Variants in GARNL3 observed in about 807,000 individuals in gnomAD.
GARNL3 encodes GTPase-activating Rap/Ran-GAP domain-like protein 3.
A neutral mutation model predicts 125.0 loss-of-function variants in GARNL3; 63 were observed. The ratio of observed to expected loss-of-function variants is 0.50; its 90% CI spans 0.41 to 0.62. GARNL3 has a LOEUF of 0.62. Ranked by LOEUF, GARNL3 falls within the 20% of genes least tolerant of loss-of-function variation. The pLI, the probability that GARNL3 is intolerant of heterozygous loss-of-function variation, is 0.00. For synonymous variants in GARNL3, 439 were observed against 457.5 expected (o/e 0.96, Z 0.52); for missense variants, 994 against 1,244.0 (o/e 0.80, Z 3.02).
In GARNL3 at chr9:127,350,592, G is replaced by A. The variant is rs553280050; in HGVS notation, c.1543+1557G>A. Among the ~76,000 whole-genome samples the A allele has an allele frequency of 5.0e-4, 76 of 151,930 alleles. 1 individual carries two copies. The highest frequency in any genetic ancestry group is 3.6e-3 in the South Asian group (17 of 4,770). On this transcript the variant is annotated intron_variant, in intron 17 of 27. Coordinates refer to ENST00000373387, the MANE Select transcript of GARNL3 (RefSeq NM_032293.5). ...GTTCGAGACCAGCTTGGCTAATATGGTGAAACCCTGTCTCTAACTAAAAAA... is the reference window on the plus strand; with the variant it reads ...GTTCGAGACCAGCTTGGCTAATATGATGAAACCCTGTCTCTAACTAAAAAA...
intron 21 of GARNL3, among the ~76,000 whole-genome samples, chr9:127,358,696 A>C (rs1346235463): frequency 2.0e-5 from 3 of 152,140 alleles, no homozygotes; most frequent in African/African-American, 7.2e-5. Context: ...TCTCTTATCT[A>C]TATTGGTGGT....
intron 21 of GARNL3, among the ~76,000 whole-genome samples, chr9:127,359,483 C>T (rs994852881): frequency 5.2e-5 from 7 of 135,784 alleles, no homozygotes; most frequent in Admixed American, 2.9e-4. Context: ...AGTGAGACTC[C>T]GTCTCCAAAA....
chr9:127,388,785 G>C (rs1295510465), intron 25 of GARNL3, 119 bp from the exon 26 acceptor site: 1 of 695,780 alleles, frequency 1.4e-6, no homozygotes, highest in East Asian at 2.7e-5. Context: ...GGACATTACA[G>C]ATCAGTGTGT....
intron 17 of GARNL3, among the ~76,000 whole-genome samples, chr9:127,349,434 G>T (rs1245552489): frequency 6.6e-6 from 1 of 151,774 alleles, no homozygotes; most frequent in Non-Finnish European, 1.5e-5. Flanking sequence ...AAAGATTTCT[G>T]ATTCAAAAAG....
At chr9:127,361,961 A>G (rs533266396) in intron 21 of GARNL3, 2 of 150,960 alleles carry the variant, frequency 1.3e-5, no homozygotes, top group Non-Finnish European at 2.9e-5. Flanking sequence ...CAACCCTCCC[A>G]TAATTATAAT....
At chr9:127,289,373 C>CA (rs1472116477) in intron 1 of GARNL3, among the ~76,000 whole-genome samples, 2 of 152,200 alleles carry the variant, frequency 1.3e-5, no homozygotes, top group Non-Finnish European at 2.9e-5. Context: ...AAAGGATACA[C>CA]ATTAAGATTA....
chr9:127,228,235 C>T (rs2062946735), intron 1 of GARNL3, among the ~76,000 whole-genome samples: 1 of 152,188 alleles, frequency 6.6e-6, no homozygotes. Context: ...TTCACTCTTA[C>T]TAAAGATGCT....
At chr9:127,389,418 C>T (rs1342715311) in intron 26 of GARNL3, among the ~76,000 whole-genome samples, 3 of 152,066 alleles carry the variant, frequency 2.0e-5, no homozygotes, top group Non-Finnish European at 2.9e-5. Flanking sequence ...AATAAAAGTA[C>T]CAATCTATGT....
chr9:127,311,932 A>C (rs1189289412), intron 3 of GARNL3, among the ~76,000 whole-genome samples, 197 bp downstream of exon 3: 2 of 152,146 alleles, frequency 1.3e-5, no homozygotes, highest in Non-Finnish European at 2.9e-5. Context: ...TTTTGCTCAT[A>C]GTTTCCTTTT....
intron 7 of GARNL3, among the ~76,000 whole-genome samples, chr9:127,331,529 T>C (rs1279189432): frequency 1.3e-5 from 2 of 151,520 alleles, no homozygotes; most frequent in Non-Finnish European, 2.9e-5. Flanking sequence ...CTACCCAATT[T>C]AAGGAAGAAA....
chr9:127,277,074 C>G (rs1216023378), intron 1 of GARNL3, among the ~76,000 whole-genome samples: 1 of 152,204 alleles, frequency 6.6e-6, no homozygotes, highest in Non-Finnish European at 1.5e-5. Context: ...TTACAGGCTG[C>G]TCCAGTGCCC....
At chr9:127,246,229 G>A (rs1328167788) in intron 2 of GARNL3, among the ~76,000 whole-genome samples, 1 of 152,144 alleles carries the variant, frequency 6.6e-6, no homozygotes, top group African/African-American at 2.4e-5. Context: ...GTAGGCAACT[G>A]GATTTCAGTA....
chr9:127,291,336 G>A (rs1385626287), intron 2 of GARNL3, 94 bp downstream of exon 2: 9 of 1,021,532 alleles, frequency 8.8e-6, no homozygotes, highest in Admixed American at 2.1e-5. Context: ...GAGGTAAATA[G>A]AGCTTTTCAG....
chr9:127,248,300 G>A (rs1189154838), intron 2 of GARNL3, among the ~76,000 whole-genome samples: 1 of 152,182 alleles, frequency 6.6e-6, no homozygotes, highest in Non-Finnish European at 1.5e-5. Context: ...CAGAGCTTGT[G>A]TATTACTTCG....
chr9:127,311,433 T>A (rs1248788702), intron 2 of GARNL3, among the ~76,000 whole-genome samples: 27 of 152,154 alleles, frequency 1.8e-4, no homozygotes, highest in Admixed American at 1.8e-3. Flanking sequence ...CTGGTTATTT[T>A]TCCTACACCC....
rs1564842954 is a variant in GARNL3 at position 127,242,977 on chromosome 9, C to T, written c.-28-102C>T. 3 of 1,053,534 alleles carry T rather than the reference C, an allele frequency of 2.8e-6. No individual in the cohort carries two copies. Among genetic ancestry groups the T allele is most frequent in the South Asian group, 3.1e-5 (2 of 63,700 alleles). 65.3% of individuals were successfully genotyped at this position (1,053,534 alleles called of 1,614,324 possible). A position where few individuals can be genotyped will look rare whatever the true frequency, so the allele number is the denominator to read the frequency against. Reference sequence around the variant, plus strand: ...TGCTTCAGTGTCACCCTCCTCCTTGCTTACCAGCGGGGCTGCCTTTGGGAG... The same window carrying T: ...TGCTTCAGTGTCACCCTCCTCCTTGTTTACCAGCGGGGCTGCCTTTGGGAG... On this transcript the variant is annotated intron_variant, in intron 1 of 10. Transcript: ENST00000439286. This position sits in a 1 kb window ranked among gnomAD's most constrained non-coding sequence, Gnocchi z 4.6.
chr9:127,275,343 C>A (rs1211467687), intron 1 of GARNL3, among the ~76,000 whole-genome samples: 1 of 152,128 alleles, frequency 6.6e-6, no homozygotes, highest in Non-Finnish European at 1.5e-5. Flanking sequence ...TTTAAGAGCT[C>A]TTTTTTTAGG....
At chr9:127,312,499 G>A (rs768352589) in intron 3 of GARNL3, among the ~76,000 whole-genome samples, 3 of 152,224 alleles carry the variant, frequency 2.0e-5, no homozygotes, top group Non-Finnish European at 4.4e-5. Context: ...CATTTAAAGT[G>A]AAGGGCTCAA....
chr9:127,315,738 A>G (rs952596707), intron 4 of GARNL3, among the ~76,000 whole-genome samples: 7 of 152,190 alleles, frequency 4.6e-5, no homozygotes, highest in African/African-American at 1.7e-4. Flanking sequence ...TTTCTTCTAA[A>G]TACACAGAAA....
Sources: gnomAD v4.1 joint callset for allele counts (sites outside exome capture counted in the v4.1 genomes callset) on GRCh38, gnomAD v4.1.1 for gene constraint, Gnocchi (gnomAD v3.1) non-coding constraint, MANE v1.5 for transcripts, NCBI Gene and HGNC (gene_info 2026-07-23, HGNC 2026-07-21) for gene names.